Variants in CAMTA1 observed in about 807,000 individuals in gnomAD.
CAMTA1 encodes the protein calmodulin binding transcription activator 1.
A neutral mutation model predicts 170.9 loss-of-function variants in CAMTA1; 27 were observed. That is an observed-to-expected ratio of 0.16 (90% CI 0.12 to 0.22). The LOEUF (loss-of-function observed/expected upper bound fraction) is 0.22. Ranked by LOEUF, CAMTA1 falls within the 10% of genes least tolerant of loss-of-function variation. CAMTA1 has a pLI of 1.00. For synonymous variants in CAMTA1, 833 were observed against 891.5 expected, an observed-to-expected ratio of 0.93 and a Z score of 1.17; for missense variants, 1,619 against 2,217.2, an observed-to-expected ratio of 0.73 and a Z score of 5.42.
At chr1:7,138,861 G>A (rs1055512365) in intron 4 of CAMTA1, among the ~76,000 whole-genome samples, 13 of 151,710 alleles carry the variant, frequency 8.6e-5, no homozygotes, top group African/African-American at 2.9e-4. Context: ...TGGGTTTTGT[G>A]GTGTGTGCCT....
chr1:7,476,848 G>T (rs558111213), intron 6 of CAMTA1, among the ~76,000 whole-genome samples: 2 of 152,312 alleles, frequency 1.3e-5, no homozygotes, highest in Non-Finnish European at 2.9e-5. Flanking sequence ...ATCGAAGGCT[G>T]CGGGCAAGCA....
chr1:7,305,328 A>G (rs1427747224), intron 5 of CAMTA1, among the ~76,000 whole-genome samples: 2 of 151,796 alleles, frequency 1.3e-5, no homozygotes, highest in Non-Finnish European at 2.9e-5. Flanking sequence ...GTTCTTGGCT[A>G]CTTCTGCTTG....
chr1:7,614,554 G>A (rs1327571995), intron 6 of CAMTA1, among the ~76,000 whole-genome samples: 1 of 152,160 alleles, frequency 6.6e-6, no homozygotes, highest in African/African-American at 2.4e-5. Flanking sequence ...CATTGGCGCT[G>A]ACACGCTGAA....
At chr1:7,046,575 G>T (rs1209653014) in intron 3 of CAMTA1, among the ~76,000 whole-genome samples, 1 of 152,188 alleles carries the variant, frequency 6.6e-6, no homozygotes, top group Non-Finnish European at 1.5e-5. Flanking sequence ...ATTTCTTAGT[G>T]CCTAACTCTG....
intron 3 of CAMTA1, among the ~76,000 whole-genome samples, chr1:6,881,303 G>T (rs1671496214): frequency 6.6e-6 from 1 of 152,218 alleles, no homozygotes. Flanking sequence ...GTCTGTTTGT[G>T]CATGCTATTC....
At chr1:7,049,147 G>A (rs897073209) in intron 3 of CAMTA1, among the ~76,000 whole-genome samples, 3 of 152,190 alleles carry the variant, frequency 2.0e-5, no homozygotes, top group African/African-American at 7.2e-5. Flanking sequence ...TTCAAGTCTG[G>A]GGGTTCATGT....
chr1:7,468,305 C>T (rs532803186), intron 6 of CAMTA1, among the ~76,000 whole-genome samples: 14 of 152,334 alleles, frequency 9.2e-5, no homozygotes, highest in South Asian at 2.1e-4. Context: ...AACAGGCTCC[C>T]GGAGGTTGCC....
chr1:6,856,277 G>GTTTT (rs765416471), intron 3 of CAMTA1, among the ~76,000 whole-genome samples: 1 of 122,894 alleles, frequency 8.1e-6, no homozygotes, highest in Non-Finnish European at 1.7e-5. Flanking sequence ...TGGAACCAGT[G>GTTTT]TTTTTTTTTT....
chr1:7,623,989 G>A (rs2095616602), intron 6 of CAMTA1, among the ~76,000 whole-genome samples: 1 of 152,230 alleles, frequency 6.6e-6, no homozygotes, highest in African/African-American at 2.4e-5. Context: ...AACATTTTGA[G>A]TGAAATTTAA....
At chr1:7,661,676 C>T in intron 7 of CAMTA1, 50 bp from the exon 8 acceptor site, 1 of 1,606,778 alleles carries the variant, frequency 6.2e-7, no homozygotes, top group East Asian at 2.2e-5. Context: ...CCACCCAGGT[C>T]CCCTCTGCAC....
intron 18 of CAMTA1, 76 bp downstream of exon 18, chr1:7,746,167 AC>A: frequency 3.3e-6 from 5 of 1,507,210 alleles, no homozygotes; most frequent in Non-Finnish European, 4.5e-6. Flanking sequence ...AATCATGCGA[AC>A]AAAAACATTT....
At chr1:6,832,459 T>C (rs1414835540) in intron 3 of CAMTA1, among the ~76,000 whole-genome samples, 1 of 152,200 alleles carries the variant, frequency 6.6e-6, no homozygotes, top group Admixed American at 6.5e-5. Context: ...TTAATTTTTT[T>C]TCCTTTGTGT....
At chr1:7,270,740 G>A (rs1042179567) in intron 5 of CAMTA1, among the ~76,000 whole-genome samples, 3 of 152,198 alleles carry the variant, frequency 2.0e-5, no homozygotes, top group African/African-American at 7.2e-5. Context: ...CAGATACTTG[G>A]GAGGCTGAGG....
At chr1:7,500,258 T>G (rs373435355) in intron 6 of CAMTA1, among the ~76,000 whole-genome samples, 3,713 of 70,472 alleles carry the variant, frequency 0.053, 20 homozygotes, top group South Asian at 0.14. Flanking sequence ...TAGAGAGGAT[T>G]GTGTGAGCCT....
At chr1:6,796,413 C>T (rs1642539516) in intron 1 of CAMTA1, among the ~76,000 whole-genome samples, 1 of 152,160 alleles carries the variant, frequency 6.6e-6, no homozygotes, top group Non-Finnish European at 1.5e-5. Flanking sequence ...GCTGGGATTA[C>T]AGGCGTGAGC....
At position 7,612,301 on chromosome 1, in the gene CAMTA1, T is replaced by C. The variant is rs550340782; in HGVS notation, c.511-28099T>C. Among the ~76,000 whole-genome samples, 96 of 152,306 alleles carry C rather than the reference T, an allele frequency of 6.3e-4. 1 individual carries two copies. Among genetic ancestry groups the C allele is most frequent in the South Asian group, 1.9e-3 (9 of 4,822 alleles). On this transcript the variant is annotated intron_variant, in intron 6 of 22. Coordinates refer to ENST00000303635, the MANE Select transcript of CAMTA1 (RefSeq NM_015215.4). ...ATGGAGTGGGAAGATGATTTTCCCCTGGAGTTTGGTCATCCTGAAGCTGAT... is the reference window on the plus strand; with the variant it reads ...ATGGAGTGGGAAGATGATTTTCCCCCGGAGTTTGGTCATCCTGAAGCTGAT...
In CAMTA1 at chr1:7,294,286, TG is replaced by T. The variant is rs572089431; in HGVS notation, c.438+44666del. The stretch of plus-strand genomic sequence containing the variant: ...TTTAACACTGGCTGAGTGTCAGGAC[TG>T]GGGGGCTATGGATGGTGAGCTTCTC... On this transcript the variant is annotated intron_variant, in intron 5 of 22. Transcript: ENST00000303635. 2.4e-4 allele frequency among the ~76,000 whole-genome samples: 36 copies of T among 152,236 alleles called. No homozygotes were observed. The South Asian group carries it at 7.1e-3, about 30-fold the overall frequency.
At chr1:7,062,571 C>T (rs915184708) in intron 3 of CAMTA1, among the ~76,000 whole-genome samples, 1 of 152,096 alleles carries the variant, frequency 6.6e-6, no homozygotes, top group African/African-American at 2.4e-5. Context: ...CAGGCTCCAC[C>T]GAGCAGCCGC....
At chr1:7,327,074 A>C (rs1314573445) in intron 5 of CAMTA1, among the ~76,000 whole-genome samples, 1 of 152,168 alleles carries the variant, frequency 6.6e-6, no homozygotes, top group Non-Finnish European at 1.5e-5. Context: ...TGACAAAAGT[A>C]GTTAAGTGGA....
Sources: gnomAD v4.1 joint callset for allele counts (sites outside exome capture counted in the v4.1 genomes callset) on GRCh38, gnomAD v4.1.1 for gene constraint, MANE v1.5 for transcripts, NCBI Gene and HGNC (gene_info 2026-07-23, HGNC 2026-07-21) for gene names.